GALNT18: variants seen among roughly 807,000 people sequenced by gnomAD.
The protein encoded by GALNT18 is GalNAc-transferase 18.
In GALNT18, 44 loss-of-function variants were observed where a neutral mutation model predicts 69.5. The observed-to-expected ratio is 0.63, with a 90% CI of 0.50 to 0.81. GALNT18 has a LOEUF of 0.81. Among genes scored for constraint, GALNT18 ranks in the 40% least tolerant of loss-of-function variants. GALNT18 has a pLI of 0.00. For missense variants in GALNT18, 715 were observed against 810.0 expected, an observed-to-expected ratio of 0.88 and a Z score of 1.42; for synonymous variants, 364 against 318.2, an observed-to-expected ratio of 1.14 and a Z score of -1.53.
chr11:11,369,381 A>G (rs919620487), intron 6 of GALNT18, among the ~76,000 whole-genome samples: 1 of 152,144 alleles, frequency 6.6e-6, no homozygotes, highest in Non-Finnish European at 1.5e-5. Flanking sequence ...AGCTTTTGAC[A>G]TCATAACTCC....
intron 1 of GALNT18, among the ~76,000 whole-genome samples, chr11:11,556,204 C>T (rs761153351): frequency 1.3e-5 from 2 of 152,184 alleles, no homozygotes; most frequent in African/African-American, 4.8e-5. Context: ...ACATAAGGAG[C>T]GAAGGTCAAA....
At chr11:11,431,989 G>A (rs956815719) in intron 3 of GALNT18, among the ~76,000 whole-genome samples, 10 of 152,192 alleles carry the variant, frequency 6.6e-5, no homozygotes, top group Non-Finnish European at 1.2e-4. Context: ...GGGAAAAGGG[G>A]TGGCTGGTAG....
intron 1 of GALNT18, among the ~76,000 whole-genome samples, chr11:11,474,842 T>C (rs1007391116): frequency 3.3e-5 from 5 of 152,228 alleles, no homozygotes; most frequent in African/African-American, 1.2e-4. Context: ...CATATATGTA[T>C]ACATTTAATC....
chr11:11,596,379 T>G lies in GALNT18; in HGVS notation c.235+24980A>C, dbSNP rs1859502127. On this transcript the variant is annotated intron_variant, in intron 1 of 10. Coordinates refer to ENST00000227756, the MANE Select transcript of GALNT18 (RefSeq NM_198516.3). The surrounding 1 kb of genome is among the most constrained non-coding windows in gnomAD (Gnocchi z 4.2). ...TTTGGCTAGCCTGTATACCTTAAATTTCCATCAGAATTTTAAGATAAGCCT... is the reference window on the plus strand; with the variant it reads ...TTTGGCTAGCCTGTATACCTTAAATGTCCATCAGAATTTTAAGATAAGCCT... 6.6e-6 allele frequency among the ~76,000 whole-genome samples: 1 copy of G among 152,168 alleles called. No homozygotes were observed. Among genetic ancestry groups the G allele is most frequent in the South Asian group, 2.1e-4 (1 of 4,826 alleles).
At chr11:11,362,823 G>A (rs77422043) in intron 6 of GALNT18, among the ~76,000 whole-genome samples, 176 of 152,198 alleles carry the variant, frequency 1.2e-3, no homozygotes, top group African/African-American at 3.9e-3. Flanking sequence ...CTTTGACTTC[G>A]CAATTCCATT....
At position 11,513,445 on chromosome 11, in the gene GALNT18, G is replaced by A. The variant is rs570762008; in HGVS notation, c.236-64509C>T. ...TTTTTCAACCCTCCACTGGCCACAG[G>A]GTCTATCTCTTTCAAAGACGTGGGT... On this transcript the variant is annotated intron_variant, in intron 1 of 10. Coordinates refer to ENST00000227756, the MANE Select transcript of GALNT18 (RefSeq NM_198516.3). Among the ~76,000 whole-genome samples the A allele has an allele frequency of 6.8e-4, 104 of 152,268 alleles. 1 individual carries two copies. In the South Asian group the frequency reaches 0.021, roughly 30 times the overall value.
At chr11:11,376,421 G>T (rs1355465883) in intron 5 of GALNT18, among the ~76,000 whole-genome samples, 1 of 147,484 alleles carries the variant, frequency 6.8e-6, no homozygotes, top group Admixed American at 6.8e-5. Context: ...AAAACTAGTG[G>T]GGACAGCTTT....
chr11:11,386,816 G>C (rs1475927276), intron 3 of GALNT18, among the ~76,000 whole-genome samples: 1 of 152,160 alleles, frequency 6.6e-6, no homozygotes, highest in African/African-American at 2.4e-5. Flanking sequence ...GCTGTCCCCA[G>C]AGTCCATACT....
At chr11:11,345,572 C>T (rs971392553) in intron 6 of GALNT18, among the ~76,000 whole-genome samples, 15 of 151,980 alleles carry the variant, frequency 9.9e-5, no homozygotes, top group African/African-American at 3.6e-4. Flanking sequence ...CTGGGCCTGG[C>T]ACATTAAATG....
At chr11:11,272,741 C>G (rs1192861749) in intron 10 of GALNT18, among the ~76,000 whole-genome samples, 1 of 151,156 alleles carries the variant, frequency 6.6e-6, no homozygotes, top group Non-Finnish European at 1.5e-5. Flanking sequence ...CCACCCATGC[C>G]CCACCTCCAC....
chr11:11,579,308 T>C lies in GALNT18; in HGVS notation c.235+42051A>G, dbSNP rs375626229. 1.8e-3 allele frequency among the ~76,000 whole-genome samples: 278 copies of C among 152,302 alleles called. 1 individual carries two copies. Among genetic ancestry groups the C allele is most frequent in the African/African-American group, 6.4e-3 (267 of 41,564 alleles). On this transcript the variant is annotated intron_variant, in intron 1 of 10. Coordinates refer to ENST00000227756, the MANE Select transcript of GALNT18 (RefSeq NM_198516.3). The stretch of plus-strand genomic sequence containing the variant: ...AGTCGAGCCCCACCTGTCACCATAC[T>C]CTAGGTTTGACCAGGACTAGAAGAT...
In GALNT18 at chr11:11,372,514, C is replaced by A; in HGVS notation, c.1092+1G>T. On this transcript the variant is annotated splice_donor_variant, in intron 6 of 10. Transcript: ENST00000227756. LOFTEE classifies it high-confidence loss of function. This position sits in a 1 kb window ranked among gnomAD's most constrained non-coding sequence, Gnocchi z 4.9. ...CAGTTTGAGTGAGAAACCCCACTCA[C>A]CCTGATCCCAAGCTCCACATTCTCG... 1 of 1,613,514 alleles carries A rather than the reference C, an allele frequency of 6.2e-7. No individual in the cohort carries two copies. Among genetic ancestry groups the A allele is most frequent in the African/African-American group, 1.3e-5 (1 of 75,050 alleles).
At chr11:11,405,221 GCTC>G (rs1272695872) in intron 3 of GALNT18, among the ~76,000 whole-genome samples, 2 of 149,910 alleles carry the variant, frequency 1.3e-5, no homozygotes, top group Non-Finnish European at 3.0e-5. Context: ...ACAGGAGACA[GCTC>G]CTCTTCCCTC....
chr11:11,380,351 C>T (rs915983228), intron 3 of GALNT18, among the ~76,000 whole-genome samples: 2 of 152,214 alleles, frequency 1.3e-5, no homozygotes, highest in African/African-American at 4.8e-5. Context: ...ATCTTCAGTT[C>T]TTCCTTGTGT....
In GALNT18 at chr11:11,352,980, C is replaced by G. The variant is rs777486408; in HGVS notation, c.1093-11976G>C. On this transcript the variant is annotated intron_variant, in intron 6 of 10. Transcript: ENST00000227756. ...TTCAAATACTTCACTGTATTTACCT[C>G]GGCCTAATTTTCGAACCAGCTGGTA... is the stretch of plus-strand genomic sequence containing the variant. 4.3e-6 allele frequency: 7 copies of G among 1,614,164 alleles called. No homozygotes were observed. In the South Asian group the frequency reaches 7.7e-5, roughly 18 times the overall value.
At chr11:11,328,795 G>T (rs998759020) in intron 8 of GALNT18, among the ~76,000 whole-genome samples, 2 of 152,210 alleles carry the variant, frequency 1.3e-5, no homozygotes, top group Non-Finnish European at 2.9e-5. Context: ...AGCCCATGAA[G>T]AGGTGGGTGT....
rs938308812 is a variant in GALNT18 at position 11,404,268 on chromosome 11, C to T, written c.596-25004G>A. Among the ~76,000 whole-genome samples, 1 of 152,192 alleles carries T rather than the reference C, an allele frequency of 6.6e-6. No individual in the cohort carries two copies. The highest frequency in any genetic ancestry group is 6.5e-5 in the Admixed American group (1 of 15,278). On this transcript the variant is annotated intron_variant, in intron 3 of 10. Coordinates refer to ENST00000227756, the MANE Select transcript of GALNT18 (RefSeq NM_198516.3). This position sits in a 1 kb window ranked among gnomAD's most constrained non-coding sequence, Gnocchi z 4.5. Reference sequence around the variant, plus strand: ...TTGATCACTGAATTCCCCAGGGGAGCCCTGGGCTTCAGTGCCAATGCCTCT... The same window carrying T: ...TTGATCACTGAATTCCCCAGGGGAGTCCTGGGCTTCAGTGCCAATGCCTCT...
chr11:11,344,693 C>G (rs1228363696), intron 6 of GALNT18, among the ~76,000 whole-genome samples: 1 of 152,216 alleles, frequency 6.6e-6, no homozygotes, highest in African/African-American at 2.4e-5. Flanking sequence ...CTCATTTCCG[C>G]CCTGTGGGTG....
At chr11:11,327,228 G>C (rs762431580) in intron 8 of GALNT18, 47 bp from the exon 9 acceptor site, 1 of 1,328,828 alleles carries the variant, frequency 7.5e-7, no homozygotes, top group Non-Finnish European at 1.1e-6. Context: ...GAGGAACAGA[G>C]AGAGCAAATG....
Sources: gnomAD v4.1 joint callset for allele counts (sites outside exome capture counted in the v4.1 genomes callset) on GRCh38, gnomAD v4.1.1 for gene constraint, Gnocchi (gnomAD v3.1) non-coding constraint, MANE v1.5 for transcripts, NCBI Gene and HGNC (gene_info 2026-07-23, HGNC 2026-07-21) for gene names.